The following FHIT variants were observed in gnomAD, a reference collection of about 807,000 sequenced individuals.
FHIT encodes fragile histidine triad diadenosine triphosphatase.
Under a neutral mutation model 17.9 loss-of-function variants are expected in FHIT, and 19 were observed. The observed-to-expected ratio is 1.06, with a 90% CI of 0.74 to 1.56. FHIT has a LOEUF of 1.56. Ranked by LOEUF, FHIT falls within the 40% of genes most tolerant of loss-of-function variation. The pLI is 0.00. For missense variants in FHIT, 248 were observed against 189.2 expected (o/e 1.31, Z -1.82); for synonymous variants, 81 against 69.7 (o/e 1.16, Z -0.81).
intron 5 of FHIT, among the ~76,000 whole-genome samples, chr3:60,131,443 G>A (rs547630979): frequency 1.3e-5 from 2 of 151,956 alleles, no homozygotes; most frequent in South Asian, 2.1e-4. Flanking sequence ...ACTCATATTC[G>A]CACAGATTCA....
At chr3:60,532,962 TAAG>T (rs3060319) in intron 5 of FHIT, among the ~76,000 whole-genome samples, 62,843 of 151,772 alleles carry the variant, frequency 0.41, 13,305 homozygotes, top group South Asian at 0.49. Context: ...ATGCCATTTT[TAAG>T]AAGAAGTCAT....
chr3:60,211,181 T>C (rs1703436398), intron 5 of FHIT, among the ~76,000 whole-genome samples: 1 of 151,182 alleles, frequency 6.6e-6, no homozygotes, highest in African/African-American at 2.4e-5. Flanking sequence ...CGAAAGAAAG[T>C]TGAAGAAAAA....
chr3:60,756,343 C>T (rs530799417), intron 4 of FHIT, among the ~76,000 whole-genome samples: 1 of 152,142 alleles, frequency 6.6e-6, no homozygotes, highest in East Asian at 1.9e-4. Flanking sequence ...CTTAGAAGCT[C>T]GAAGTACTAA....
At chr3:60,523,508 G>C (rs1296966083) in intron 5 of FHIT, among the ~76,000 whole-genome samples, 2 of 152,122 alleles carry the variant, frequency 1.3e-5, no homozygotes, top group Admixed American at 6.6e-5. Context: ...AAGAAATAGA[G>C]ATCTACAAAA....
At chr3:60,208,074 T>G (rs1250777017) in intron 5 of FHIT, among the ~76,000 whole-genome samples, 1 of 152,188 alleles carries the variant, frequency 6.6e-6, no homozygotes, top group African/African-American at 2.4e-5. Context: ...ACTTTACTTA[T>G]GACCTATTAC....
At chr3:60,816,463 T>C (rs1701743565) in intron 4 of FHIT, among the ~76,000 whole-genome samples, 1 of 152,128 alleles carries the variant, frequency 6.6e-6, no homozygotes, top group African/African-American at 2.4e-5. Flanking sequence ...TGTTGGATTA[T>C]AGCAAAAGCT....
chr3:60,740,512 C>T (rs1553713657), intron 4 of FHIT, among the ~76,000 whole-genome samples: 1 of 152,232 alleles, frequency 6.6e-6, no homozygotes, highest in Non-Finnish European at 1.5e-5. Flanking sequence ...GCTGCCTCTC[C>T]ATTTTATTAT....
At chr3:60,651,400 AT>A (rs1336401844) in intron 4 of FHIT, among the ~76,000 whole-genome samples, 1 of 152,152 alleles carries the variant, frequency 6.6e-6, no homozygotes, top group Admixed American at 6.5e-5. Context: ...TAAAATTAAA[AT>A]TTATTTTAAC....
intron 5 of FHIT, among the ~76,000 whole-genome samples, chr3:60,062,242 A>G (rs911427570): frequency 6.6e-6 from 1 of 152,136 alleles, no homozygotes; most frequent in Non-Finnish European, 1.5e-5. Flanking sequence ...GAGGTACCTT[A>G]CTATGGAGTT....
intron 7 of FHIT, among the ~76,000 whole-genome samples, chr3:59,952,473 C>A (rs994399177): frequency 6.6e-6 from 1 of 152,156 alleles, no homozygotes. Context: ...CAATGTGACA[C>A]GCCACTTCCA....
chr3:60,982,555 T>C (rs1168771790), intron 3 of FHIT, among the ~76,000 whole-genome samples: 2 of 152,218 alleles, frequency 1.3e-5, no homozygotes, highest in Non-Finnish European at 1.5e-5. Flanking sequence ...GGCCTTCCAT[T>C]TGTTGTCCTT....
chr3:60,286,419 A>G (rs2107657696), intron 5 of FHIT, among the ~76,000 whole-genome samples: 1 of 152,282 alleles, frequency 6.6e-6, no homozygotes, highest in Admixed American at 6.5e-5. Flanking sequence ...CAGAATTCTA[A>G]GTCCCTTGGA....
At chr3:60,336,922 G>T (rs1476355978) in intron 5 of FHIT, among the ~76,000 whole-genome samples, 3 of 151,184 alleles carry the variant, frequency 2.0e-5, no homozygotes, top group Non-Finnish European at 2.9e-5. Context: ...TTCTTTGTCA[G>T]TTTGATGAGT....
chr3:60,315,693 G>A (rs1709134898), intron 5 of FHIT, among the ~76,000 whole-genome samples: 2 of 152,172 alleles, frequency 1.3e-5, no homozygotes, highest in Non-Finnish European at 2.9e-5. Context: ...CCATTCTGCT[G>A]CTGCTGATGG....
intron 5 of FHIT, among the ~76,000 whole-genome samples, chr3:60,208,316 A>G (rs545925941): frequency 2.6e-5 from 4 of 152,266 alleles, no homozygotes; most frequent in Admixed American, 2.0e-4. Context: ...GAACTCGACA[A>G]ATTTTCTTGA....
At chr3:60,143,213 A>T (rs927743286) in intron 5 of FHIT, among the ~76,000 whole-genome samples, 5 of 152,176 alleles carry the variant, frequency 3.3e-5, no homozygotes, top group African/African-American at 1.2e-4. Context: ...AGCATTGCCA[A>T]ACTCAATTTC....
At chr3:60,248,904 A>C (rs1705543900) in intron 5 of FHIT, among the ~76,000 whole-genome samples, 1 of 152,182 alleles carries the variant, frequency 6.6e-6, no homozygotes, top group Admixed American at 6.6e-5. Context: ...TCAAGGATGA[A>C]AAGGTGAGAC....
At chr3:60,842,648 T>A (rs1230309280) in intron 3 of FHIT, among the ~76,000 whole-genome samples, 46,756 of 89,436 alleles carry the variant, frequency 0.52, 12,304 homozygotes, top group East Asian at 0.71. Context: ...TATATATATT[T>A]TTTTTTTTTT....
chr3:60,289,567 T>C (rs977644806), intron 5 of FHIT, among the ~76,000 whole-genome samples: 2 of 152,208 alleles, frequency 1.3e-5, no homozygotes, highest in African/African-American at 2.4e-5. Flanking sequence ...CCTAGGACTT[T>C]GGCAACAAAA....
Sources: gnomAD v4.1 joint callset for allele counts (sites outside exome capture counted in the v4.1 genomes callset) on GRCh38, gnomAD v4.1.1 for gene constraint, MANE v1.5 for transcripts, NCBI Gene and HGNC (gene_info 2026-07-23, HGNC 2026-07-21) for gene names.